TRIM34: variants seen among roughly 807,000 people sequenced by gnomAD.
TRIM34 encodes the protein tripartite motif containing 34, also known as E3 ubiquitin-protein ligase TRIM34.
Under a neutral mutation model 38.1 loss-of-function variants are expected in TRIM34, and 41 were observed. The ratio of observed to expected loss-of-function variants is 1.08; its 90% CI spans 0.84 to 1.40. The LOEUF is 1.40. Ranked by LOEUF, TRIM34 falls within the 40% of genes most tolerant of loss-of-function variation. The probability of loss-of-function intolerance (pLI) is 0.00; values close to 1 mark genes in which losing one functional copy is unlikely to be tolerated. For missense variants in TRIM34, 556 were observed against 571.4 expected (o/e 0.97, Z 0.27); for synonymous variants, 200 against 202.5 (o/e 0.99, Z 0.10).
upstream of TRIM34, among the ~76,000 whole-genome samples, chr11:5,620,448 G>A (rs1316752176): frequency 2.0e-5 from 3 of 151,862 alleles, no homozygotes; most frequent in African/African-American, 2.4e-5. Context: ...TGATCCGCCC[G>A]CCTCAGCCTC....
intron 4 of TRIM34, among the ~76,000 whole-genome samples, chr11:5,639,995 A>G (rs144823426): frequency 4.1e-4 from 62 of 152,316 alleles, no homozygotes; most frequent in African/African-American, 9.4e-4. Flanking sequence ...TTCAGATTAT[A>G]CTATTTTAAT....
In TRIM34 at chr11:5,634,530, CATAT is replaced by C. The variant is rs112822638; in HGVS notation, c.520-86_520-83del. ...ACACACACACACACACACACACACA[CATAT>C]ATATATATATATATTTCCCTACTGG... On this transcript the variant is annotated intron_variant, in intron 3 of 7. Coordinates refer to ENST00000429814, the MANE Select transcript of TRIM34 (RefSeq NM_021616.6). 1.8e-3 allele frequency: 470 copies of C among 260,522 alleles called. 1 individual carries two copies. The highest frequency in any genetic ancestry group is 7.8e-3 in the African/African-American group (237 of 30,320). The allele number at this position is 260,522 out of a possible 1,614,324, so 16.1% of individuals were successfully genotyped here. A position where few individuals can be genotyped will look rare whatever the true frequency, so the allele number is the denominator to read the frequency against.
intron 3 of TRIM34, among the ~76,000 whole-genome samples, 194 bp from the exon 4 acceptor site, chr11:5,634,437 G>GA (rs374035714): frequency 0.019 from 2,530 of 130,746 alleles, 68 homozygotes; most frequent in African/African-American, 0.069. Context: ...TGAACTCCCT[G>GA]AAAAAAAAAA....
chr11:5,633,659 C>T, intron 2 of TRIM34, 145 bp from the exon 3 acceptor site: 2 of 698,828 alleles, frequency 2.9e-6, no homozygotes, highest in South Asian at 2.2e-5. Flanking sequence ...CAAAATTTTC[C>T]CCATGTCATA....
chr11:5,638,216 T>A (rs1375217896), intron 4 of TRIM34, among the ~76,000 whole-genome samples: 1 of 152,124 alleles, frequency 6.6e-6, no homozygotes, highest in Non-Finnish European at 1.5e-5. Flanking sequence ...GAAAATAATA[T>A]CAGTGAAGAT....
intron 1 of TRIM34, among the ~76,000 whole-genome samples, chr11:5,629,304 G>A (rs912355201): frequency 6.6e-6 from 1 of 151,940 alleles, no homozygotes. Context: ...ACAGGTCATT[G>A]AATTTAGGGC....
chr11:5,621,633 T>C (rs1251259750), upstream of TRIM34, among the ~76,000 whole-genome samples: 2 of 152,196 alleles, frequency 1.3e-5, no homozygotes, highest in South Asian at 2.1e-4. Flanking sequence ...AAAATAAATC[T>C]TGGAGCTTCA....
intron 1 of TRIM34, among the ~76,000 whole-genome samples, chr11:5,627,820 A>G (rs566723987): frequency 4.6e-5 from 7 of 152,336 alleles, no homozygotes; most frequent in African/African-American, 1.7e-4. Context: ...AGTGTCTAGG[A>G]TATTGTCTAG....
chr11:5,620,410 C>A (rs1848947740), upstream of TRIM34, among the ~76,000 whole-genome samples: 1 of 151,490 alleles, frequency 6.6e-6, no homozygotes, highest in African/African-American at 2.4e-5. Context: ...AATTCCTTGG[C>A]CAGACTGGAC....
At chr11:5,635,836 C>T (rs1020054186) in intron 4 of TRIM34, among the ~76,000 whole-genome samples, 2 of 152,016 alleles carry the variant, frequency 1.3e-5, no homozygotes, top group Admixed American at 1.3e-4. Context: ...GGTTCCTAAA[C>T]GTATTTTACA....
In TRIM34 at chr11:5,632,107, G is replaced by A. The variant is rs151098694; in HGVS notation, c.-77-148G>A. 282 of 1,114,118 alleles carry A rather than the reference G, an allele frequency of 2.5e-4. 3 individuals are homozygous for A. In the East Asian group the frequency reaches 5.0e-3, roughly 20 times the overall value. 69.0% of individuals were successfully genotyped at this position (1,114,118 alleles called of 1,614,324 possible). A position where few individuals can be genotyped will look rare whatever the true frequency, so the allele number is the denominator to read the frequency against. ...AAAAGCCTTGAGGCATTAACAGCTCGCCCAGACCACTTTCAGCCATTTTTG... is the reference window on the plus strand; with the variant it reads ...AAAAGCCTTGAGGCATTAACAGCTCACCCAGACCACTTTCAGCCATTTTTG... On this transcript the variant is annotated intron_variant, in intron 1 of 7. Coordinates refer to ENST00000429814, the MANE Select transcript of TRIM34 (RefSeq NM_021616.6).
At chr11:5,629,491 A>C (rs755519058) in intron 1 of TRIM34, among the ~76,000 whole-genome samples, 11 of 152,124 alleles carry the variant, frequency 7.2e-5, no homozygotes, top group Non-Finnish European at 1.5e-4. Flanking sequence ...CCTTTGCCTC[A>C]CAGTTTCTTG....
At chr11:5,637,291 T>C (rs1240173479) in intron 4 of TRIM34, among the ~76,000 whole-genome samples, 5 of 152,182 alleles carry the variant, frequency 3.3e-5, no homozygotes, top group Non-Finnish European at 7.4e-5. Flanking sequence ...TCGGGATGGA[T>C]GGTGTTATCA....
chr11:5,638,008 G>C (rs1032678187), intron 4 of TRIM34, among the ~76,000 whole-genome samples: 3 of 152,128 alleles, frequency 2.0e-5, no homozygotes, highest in Admixed American at 1.3e-4. Flanking sequence ...TTCCATCCTT[G>C]TACTTGTTTA....
rs773243395 is a variant in TRIM34, at chr11:5,643,276, C to G, written c.1034C>G (p.Ser345Cys). ...GGTGTCTTGGGATCCCAATATTTCT[C>G]CTCTGGGAAACATTACTGGGAAGTG... ...NYGVLGSQYFSSGKHYWEVDV... is the reference protein window; with the variant it reads ...NYGVLGSQYFCSGKHYWEVDV... Residue 345 changes from serine (S) to cysteine (C), a missense_variant, in exon 8 of 8, where the codon TCC becomes TGC. Transcript: ENST00000429814. 3 of 1,614,026 alleles carry G rather than the reference C, an allele frequency of 1.9e-6. No homozygotes were observed. In the South Asian group the frequency reaches 3.3e-5, roughly 18 times the overall value.
At chr11:5,637,989 C>T (rs1849820293) in intron 4 of TRIM34, among the ~76,000 whole-genome samples, 1 of 152,214 alleles carries the variant, frequency 6.6e-6, no homozygotes, top group Non-Finnish European at 1.5e-5. Context: ...GAAAGACTAG[C>T]ATGTCTATTT....
chr11:5,626,344 T>A (rs1849231781), intron 1 of TRIM34, among the ~76,000 whole-genome samples: 1 of 152,178 alleles, frequency 6.6e-6, no homozygotes, highest in Non-Finnish European at 1.5e-5. Flanking sequence ...AGAAGATGAC[T>A]AATACTATGG....
chr11:5,642,458 A>G lies in TRIM34; in HGVS notation c.826A>G (p.Thr276Ala), dbSNP rs6578670. The G allele has an allele frequency of 8.7e-6, 14 of 1,613,770 alleles. No individual in the cohort carries two copies. The African/African-American group carries it at 1.6e-4, about 18-fold the overall frequency. The change falls in exon 6 of 8, where the codon ACT becomes GCT. Residue 276 changes from threonine (T) to alanine (A), a missense_variant. Transcript: ENST00000429814. ...KPKMVSKKLKTVFHAPDLSRM... is the reference protein window; with the variant it reads ...KPKMVSKKLKAVFHAPDLSRM... ...AAAAATGGTTTCCAAGAAACTGAAG[A>G]CTGTATTCCATGCTCCAGATCTGAG...
In TRIM34 at chr11:5,643,817, CT is replaced by C; in HGVS notation, c.*112del. 1 of 1,395,006 alleles carries C rather than the reference CT, an allele frequency of 7.2e-7. No homozygotes were observed. The highest frequency in any genetic ancestry group is 9.7e-7 in the Non-Finnish European group (1 of 1,035,010). 86.4% of individuals were successfully genotyped at this position (1,395,006 alleles called of 1,614,324 possible). A position where few individuals can be genotyped will look rare whatever the true frequency, so the allele number is the denominator to read the frequency against. On this transcript the variant is annotated 3_prime_UTR_variant, in exon 8 of 8. Transcript: ENST00000429814. ...TCCTTGTGGTTTCCCTTCTTTAGAA[CT>C]TTTACTCATCCTTGAGATGTATGGT... is the stretch of plus-strand genomic sequence containing the variant.
Sources: gnomAD v4.1 joint callset for allele counts (sites outside exome capture counted in the v4.1 genomes callset) on GRCh38, gnomAD v4.1.1 for gene constraint, MANE v1.5 for transcripts, NCBI Gene and HGNC (gene_info 2026-07-23, HGNC 2026-07-21) for gene names.